Variants in DPP10 observed in about 807,000 individuals in gnomAD.
DPP10 encodes the protein inactive dipeptidyl peptidase 10.
Under a neutral mutation model 120.9 loss-of-function variants are expected in DPP10, and 33 were observed. The ratio of observed to expected loss-of-function variants is 0.27; its 90% CI spans 0.21 to 0.37. The LOEUF is 0.37. DPP10 is among the 10% of genes least tolerant of loss of function. The pLI is 1.00. For missense variants in DPP10, 816 were observed against 942.8 expected (o/e 0.87, Z 1.76); for synonymous variants, 337 against 326.1 (o/e 1.03, Z -0.36).
chr2:114,863,010 A>T (rs1354810987), intron 1 of DPP10, among the ~76,000 whole-genome samples: 1 of 152,088 alleles, frequency 6.6e-6, no homozygotes, highest in Non-Finnish European at 1.5e-5. Context: ...ACTCTGTGGT[A>T]GAATTCGCAG....
At chr2:115,329,763 A>G (rs188871106) in intron 2 of DPP10, among the ~76,000 whole-genome samples, 7 of 152,300 alleles carry the variant, frequency 4.6e-5, no homozygotes, top group Admixed American at 1.3e-4. Context: ...AAAGGATATG[A>G]ACTCATCCTT....
chr2:114,591,992 A>G (rs1374148704), intron 1 of DPP10, among the ~76,000 whole-genome samples: 1 of 151,612 alleles, frequency 6.6e-6, no homozygotes, highest in African/African-American at 2.4e-5. Context: ...GACTTGAAAC[A>G]TACTACCCTC....
intron 3 of DPP10, among the ~76,000 whole-genome samples, chr2:115,436,541 T>C (rs10172543): frequency 1.3e-5 from 2 of 151,848 alleles, no homozygotes; most frequent in East Asian, 1.9e-4. Flanking sequence ...TTTTTGTTCA[T>C]TGGATTCTTA....
At chr2:115,759,709 A>T (rs1302477366) in intron 11 of DPP10, among the ~76,000 whole-genome samples, 2 of 8,962 alleles carry the variant, frequency 2.2e-4, no homozygotes, top group East Asian at 0.33. Flanking sequence ...ATATACATTC[A>T]TATATAAAAA....
chr2:115,427,628 C>T (rs1170485661), intron 3 of DPP10, among the ~76,000 whole-genome samples: 1 of 152,176 alleles, frequency 6.6e-6, no homozygotes, highest in Non-Finnish European at 1.5e-5. Flanking sequence ...ACCACCAAAA[C>T]CATTCAGTCC....
intron 1 of DPP10, among the ~76,000 whole-genome samples, chr2:115,231,872 T>G (rs2057751060): frequency 6.6e-6 from 1 of 152,198 alleles, no homozygotes; most frequent in African/African-American, 2.4e-5. Flanking sequence ...TTAGAGGATA[T>G]GAGAGTCATC....
chr2:115,681,514 G>C (rs1322765512), intron 5 of DPP10, among the ~76,000 whole-genome samples: 1 of 151,766 alleles, frequency 6.6e-6, no homozygotes, highest in Non-Finnish European at 1.5e-5. Flanking sequence ...AGTTGCAATT[G>C]AAATAGATTT....
chr2:115,651,644 C>A (rs2087786440), intron 5 of DPP10, among the ~76,000 whole-genome samples: 1 of 151,966 alleles, frequency 6.6e-6, no homozygotes, highest in Middle Eastern at 3.2e-3. Flanking sequence ...TACTGTCAGT[C>A]AGGGTACAGA....
At chr2:114,763,224 A>T (rs918965654) in intron 1 of DPP10, among the ~76,000 whole-genome samples, 3 of 152,052 alleles carry the variant, frequency 2.0e-5, no homozygotes, top group Non-Finnish European at 4.4e-5. Flanking sequence ...TTGTGAAATG[A>T]CTCTGGAGCT....
chr2:115,373,505 C>A (rs957161017), intron 3 of DPP10, among the ~76,000 whole-genome samples: 2 of 55,942 alleles, frequency 3.6e-5, no homozygotes, highest in Non-Finnish European at 9.3e-5. Flanking sequence ...GGAAAGAAAT[C>A]TGAGCATATA....
chr2:114,662,467 G>A (rs1697496818), intron 1 of DPP10, among the ~76,000 whole-genome samples: 1 of 152,172 alleles, frequency 6.6e-6, no homozygotes, highest in African/African-American at 2.4e-5. Context: ...ACCTCGGCGT[G>A]AGACTTCGCG....
At chr2:114,998,282 C>T (rs1701224616) in intron 1 of DPP10, among the ~76,000 whole-genome samples, 1 of 152,036 alleles carries the variant, frequency 6.6e-6, no homozygotes, top group African/African-American at 2.4e-5. Flanking sequence ...AATTGGTGGG[C>T]ATTATTGATG....
chr2:114,813,137 C>T (rs1685328377), intron 1 of DPP10, among the ~76,000 whole-genome samples: 1 of 152,176 alleles, frequency 6.6e-6, no homozygotes, highest in East Asian at 1.9e-4. Flanking sequence ...CTAAACATAA[C>T]AATTCCTGAA....
In DPP10 at chr2:114,584,390, G is replaced by T. The variant is rs533595918; in HGVS notation, c.60+141552G>T. Among the ~76,000 whole-genome samples, 49 of 152,054 alleles carry T rather than the reference G, an allele frequency of 3.2e-4. 2 individuals carry two copies. The South Asian group carries it at 9.3e-3, about 29-fold the overall frequency. On this transcript the variant is annotated intron_variant, in intron 1 of 25. Coordinates refer to ENST00000410059, the MANE Select transcript of DPP10 (RefSeq NM_020868.6). ...ACCTGTTACATACCTTTATTTATTT[G>T]TTTATTTATTTATTATTATTATACT...
intron 5 of DPP10, among the ~76,000 whole-genome samples, chr2:115,644,408 C>G (rs1011607435): frequency 6.6e-6 from 1 of 151,906 alleles, no homozygotes. Flanking sequence ...TGAGAACATG[C>G]GGTGTTTGGT....
At chr2:115,145,246 G>T (rs2051157940) in intron 1 of DPP10, among the ~76,000 whole-genome samples, 1 of 152,116 alleles carries the variant, frequency 6.6e-6, no homozygotes. Flanking sequence ...CACAATTACA[G>T]TATCAGGCAG....
intron 5 of DPP10, among the ~76,000 whole-genome samples, chr2:115,674,139 C>T (rs914369240): frequency 6.6e-5 from 10 of 152,024 alleles, no homozygotes; most frequent in Non-Finnish European, 1.3e-4. Context: ...GCAGGAGAAT[C>T]GCTTGAACCT....
At chr2:115,101,936 G>T (rs1228850598) in intron 1 of DPP10, among the ~76,000 whole-genome samples, 1 of 152,174 alleles carries the variant, frequency 6.6e-6, no homozygotes, top group Non-Finnish European at 1.5e-5. Flanking sequence ...TTAGTTACAT[G>T]GTCCAGATTT....
At chr2:115,828,483 A>T (rs1688603846) in intron 21 of DPP10, among the ~76,000 whole-genome samples, 1 of 152,130 alleles carries the variant, frequency 6.6e-6, no homozygotes, top group Non-Finnish European at 1.5e-5. Context: ...CAGGGATTAT[A>T]AATATGGGTA....
Sources: gnomAD v4.1 joint callset for allele counts (sites outside exome capture counted in the v4.1 genomes callset) on GRCh38, gnomAD v4.1.1 for gene constraint, MANE v1.5 for transcripts, NCBI Gene and HGNC (gene_info 2026-07-23, HGNC 2026-07-21) for gene names.